CALD1: variants seen among roughly 807,000 people sequenced by gnomAD.
The protein encoded by CALD1 is caldesmon.
CALD1 carries 33 observed loss-of-function variants against 99.9 expected under a neutral mutation model. The observed-to-expected ratio is 0.33, with a 90% confidence interval of 0.25 to 0.44. The LOEUF is 0.44. Among genes scored for constraint, CALD1 ranks in the 20% least tolerant of loss-of-function variants. The pLI is 1.00. For missense variants in CALD1, 861 were observed against 962.1 expected, an observed-to-expected ratio of 0.89 and a Z score of 1.39; for synonymous variants, 310 against 325.0, an observed-to-expected ratio of 0.95 and a Z score of 0.50.
chr7:134,943,240 T>G lies in CALD1; in HGVS notation c.1532+2003T>G, dbSNP rs527381783. Among the ~76,000 whole-genome samples the G allele has an allele frequency of 3.2e-3, 426 of 135,084 alleles. 7 individuals carry two copies. The East Asian group carries it at 0.059, about 19-fold the overall frequency. The allele number at this position is 135,084 out of a possible 152,430, so 88.6% of individuals were successfully genotyped here. ...TGAAAACAAGCTGTGTTCTTAATGG[T>G]CAAAGGCCTGATACTCATCTTGACT... On this transcript the variant is annotated intron_variant, in intron 7 of 14. Transcript: ENST00000361675.
chr7:134,938,221 A>G (rs576824163), intron 6 of CALD1, among the ~76,000 whole-genome samples: 1 of 152,316 alleles, frequency 6.6e-6, no homozygotes, highest in Admixed American at 6.5e-5. Flanking sequence ...AAGCACGTAA[A>G]ACCCAGCCTG....
At chr7:134,750,319 A>C (rs1261423970) in intron 1 of CALD1, among the ~76,000 whole-genome samples, 1 of 152,026 alleles carries the variant, frequency 6.6e-6, no homozygotes, top group Non-Finnish European at 1.5e-5. Context: ...GCCAAGCAGA[A>C]AGGTGCTGTG....
chr7:134,815,151 C>T (rs889109601), intron 1 of CALD1, among the ~76,000 whole-genome samples: 2 of 152,158 alleles, frequency 1.3e-5, no homozygotes, highest in Non-Finnish European at 2.9e-5. Context: ...CATGTCCGGA[C>T]AAGTGATGCC....
intron 1 of CALD1, among the ~76,000 whole-genome samples, chr7:134,756,483 GT>G (rs1303057804): frequency 3.3e-5 from 5 of 151,878 alleles, no homozygotes. Context: ...ATTAGTGAGA[GT>G]TTGGGTTTAA....
chr7:134,946,988 C>G (rs552081759), intron 7 of CALD1, among the ~76,000 whole-genome samples: 1 of 152,134 alleles, frequency 6.6e-6, no homozygotes, highest in Admixed American at 6.5e-5. Context: ...CACCCGGCCT[C>G]TCCTTCCTTT....
At chr7:134,804,019 T>G (rs2131864502) in intron 1 of CALD1, among the ~76,000 whole-genome samples, 1 of 152,342 alleles carries the variant, frequency 6.6e-6, no homozygotes, top group African/African-American at 2.4e-5. Context: ...TTTCTATAGC[T>G]TCTTTTCTGT....
chr7:134,963,970 G>A (rs997086535), intron 13 of CALD1, among the ~76,000 whole-genome samples: 2 of 152,160 alleles, frequency 1.3e-5, no homozygotes, highest in Non-Finnish European at 1.5e-5. Context: ...AGGCTGAGGC[G>A]GGCAGATTAT....
chr7:134,869,840 T>C (rs1365590931), intron 3 of CALD1, among the ~76,000 whole-genome samples: 2 of 151,918 alleles, frequency 1.3e-5, no homozygotes, highest in African/African-American at 2.4e-5. Flanking sequence ...AAAGCAAGTG[T>C]AGAAAAAGTG....
At chr7:134,951,757 T>C (rs1351696251) in intron 9 of CALD1, among the ~76,000 whole-genome samples, 2 of 152,184 alleles carry the variant, frequency 1.3e-5, no homozygotes, top group African/African-American at 4.8e-5. Flanking sequence ...GAAAACACAG[T>C]GGACTCAAGA....
intron 3 of CALD1, among the ~76,000 whole-genome samples, chr7:134,921,963 C>T (rs1381976244): frequency 1.3e-5 from 2 of 152,184 alleles, no homozygotes. Flanking sequence ...AATGGTTAAA[C>T]TGTGCTATCC....
chr7:134,909,664 C>A (rs985882631), intron 3 of CALD1, among the ~76,000 whole-genome samples: 1 of 152,114 alleles, frequency 6.6e-6, no homozygotes, highest in Non-Finnish European at 1.5e-5. Flanking sequence ...GCCTGGGAGC[C>A]TGGGTGACAA....
chr7:134,830,613 C>A (rs1799182017), intron 1 of CALD1, among the ~76,000 whole-genome samples: 4 of 152,024 alleles, frequency 2.6e-5, no homozygotes, highest in African/African-American at 9.7e-5. Flanking sequence ...CTCTATGTGT[C>A]CATGTGTTCT....
At chr7:134,728,266 C>G in the CALD1 span, among the ~76,000 whole-genome samples, 2 of 152,098 alleles carry the variant, frequency 1.3e-5, no homozygotes, top group African/African-American at 4.8e-5. Flanking sequence ...GAACAATGAA[C>G]GATTCACGAA....
chr7:134,861,951 G>C (rs1193525558), intron 2 of CALD1, among the ~76,000 whole-genome samples: 2 of 152,182 alleles, frequency 1.3e-5, no homozygotes, highest in African/African-American at 4.8e-5. Context: ...TTGAAGAAAA[G>C]TATGCAATGA....
At chr7:134,831,163 T>C (rs1163865314) in intron 1 of CALD1, among the ~76,000 whole-genome samples, 1 of 152,032 alleles carries the variant, frequency 6.6e-6, no homozygotes, top group East Asian at 1.9e-4. Context: ...ATGTATAATA[T>C]AATAAGTGAA....
At chr7:134,892,586 T>C (rs1202499151) in intron 3 of CALD1, among the ~76,000 whole-genome samples, 1 of 152,116 alleles carries the variant, frequency 6.6e-6, no homozygotes, top group Non-Finnish European at 1.5e-5. Flanking sequence ...CTCATCAGGG[T>C]CCTAAAAACA....
At chr7:134,777,893 G>A (rs887426851), upstream of CALD1, among the ~76,000 whole-genome samples, 1 of 152,138 alleles carries the variant, frequency 6.6e-6, no homozygotes, top group African/African-American at 2.4e-5. Context: ...GCCGTGTTCC[G>A]AAAATTTATT....
chr7:134,712,337 G>A, the CALD1 span, among the ~76,000 whole-genome samples: 1 of 152,104 alleles, frequency 6.6e-6, no homozygotes, highest in Non-Finnish European at 1.5e-5. Context: ...CTGTCTTGGC[G>A]CAGTCATAAT....
intron 11 of CALD1, 80 bp from the exon 12 acceptor site, chr7:134,959,894 G>A: frequency 6.9e-7 from 1 of 1,449,308 alleles, no homozygotes. Flanking sequence ...AGATGATAAT[G>A]TTGAGGAAGA....
Sources: allele counts gnomAD v4.1 joint callset (sites outside exome capture counted in the v4.1 genomes callset), GRCh38; gene constraint gnomAD v4.1.1; transcripts MANE v1.5; gene names NCBI Gene and HGNC (gene_info 2026-07-23, HGNC 2026-07-21).